Variants in TLE2 observed in about 807,000 individuals in gnomAD.
TLE2 encodes transducin-like enhancer protein 2.
A neutral mutation model predicts 97.2 loss-of-function variants in TLE2; 74 were observed. The observed-to-expected ratio is 0.76, with a 90% CI of 0.63 to 0.92. The LOEUF is 0.92. Among genes scored for constraint, TLE2 ranks in the 40% least tolerant of loss-of-function variants. The pLI, the probability that TLE2 is intolerant of heterozygous loss-of-function variation, is 0.00. For missense variants in TLE2, 1,038 were observed against 1,008.7 expected, an observed-to-expected ratio of 1.03 and a Z score of -0.39; for synonymous variants, 499 against 432.1, an observed-to-expected ratio of 1.15 and a Z score of -1.92.
chr19:3,028,780 G>A lies in TLE2; in HGVS notation c.48C>T (p.Pro16=). Residue 16 remains proline, a synonymous_variant, in exon 2 of 20, where the codon CCC becomes CCT. Transcript: ENST00000262953. Reference sequence around the variant, plus strand: ...AGATCTCCAAGATCGAGAACTTGAAGGGCTGGCCGGACTGGAGCGGGGTCT... The same window carrying A: ...AGATCTCCAAGATCGAGAACTTGAAAGGCTGGCCGGACTGGAGCGGGGTCT... ...RHPTPLQSGQ[P]FKFSILEICD... is the part of the protein sequence containing the mutation. The A allele has an allele frequency of 6.2e-7, 1 of 1,612,882 alleles. No individual in the cohort carries two copies. Among genetic ancestry groups the A allele is most frequent in the South Asian group, 1.1e-5 (1 of 91,086 alleles).
chr19:3,009,045 C>T, intron 13 of TLE2, 100 bp from the exon 14 acceptor site: 2 of 914,846 alleles, frequency 2.2e-6, no homozygotes, highest in Non-Finnish European at 3.2e-6. Flanking sequence ...TTTATCACCC[C>T]TCCCCAAGGC....
upstream of TLE2, chr19:3,029,587 C>A (rs1450213467): frequency 7.1e-6 from 4 of 563,788 alleles, no homozygotes; most frequent in Admixed American, 2.8e-4. Flanking sequence ...GGAGCGGGGA[C>A]CAGTCTGGAG....
In TLE2 at chr19:3,027,880, A is replaced by G. The variant is rs566441301; in HGVS notation, c.187-7T>C. The stretch of plus-strand genomic sequence containing the variant: ...CGTACGACATCTCATAATACTGCAA[A>G]GGAAAAACCAAGTAAGAACGTCTAG... On this transcript the variant is annotated splice_polypyrimidine_tract_variant and splice_region_variant and intron_variant, in intron 3 of 19. Coordinates refer to ENST00000262953, the MANE Select transcript of TLE2 (RefSeq NM_003260.5). 309 of 1,609,230 alleles carry G rather than the reference A, an allele frequency of 1.9e-4. 4 individuals carry two copies. In the South Asian group the frequency reaches 3.4e-3, roughly 18 times the overall value.
upstream of TLE2, among the ~76,000 whole-genome samples, chr19:3,031,450 C>T (rs551711972): frequency 3.9e-5 from 6 of 151,920 alleles, no homozygotes; most frequent in East Asian, 1.9e-4. Flanking sequence ...TCCCACAAGG[C>T]TCTTCACAAA....
At chr19:3,020,811 C>T (rs530209566) in intron 5 of TLE2, among the ~76,000 whole-genome samples, 42 of 152,124 alleles carry the variant, frequency 2.8e-4, no homozygotes, top group African/African-American at 9.2e-4. Context: ...CTGAGCCGGG[C>T]GCGGCGGCTC....
intron 19 of TLE2, among the ~76,000 whole-genome samples, chr19:2,999,153 G>A (rs538535278): frequency 6.6e-6 from 1 of 152,136 alleles, no homozygotes; most frequent in East Asian, 1.9e-4. Context: ...ATGGTGGCGG[G>A]CACATGTAAT....
Position 2,997,710 on chromosome 19 carries a change from G to A in TLE2, c.*138C>T, listed in dbSNP as rs371167667. On this transcript the variant is annotated 3_prime_UTR_variant, in exon 20 of 20. Coordinates refer to ENST00000262953, the MANE Select transcript of TLE2 (RefSeq NM_003260.5). ...TCGGCCCCCACATGCAGCAGGGGAA[G>A]GTGTGAAGCCGTTGGCCAGAGAGCA... 21 of 630,088 alleles carry A rather than the reference G, an allele frequency of 3.3e-5. No homozygotes were observed. The highest frequency in any genetic ancestry group is 2.9e-4 in the African/African-American group (16 of 55,264). 39.0% of individuals were successfully genotyped at this position (630,088 alleles called of 1,614,324 possible).
chr19:3,006,581 G>A lies in TLE2; in HGVS notation c.1339C>T (p.His447Tyr). 1 of 1,605,470 alleles carries A rather than the reference G, an allele frequency of 6.2e-7. No homozygotes were observed. Among genetic ancestry groups the A allele is most frequent in the Non-Finnish European group, 8.5e-7 (1 of 1,176,996 alleles). The part of the protein sequence containing the change: ...DALVGAGIPR[H>Y]ARQLHTLAHG... ...GCCAGCGTGTGCAGCTGCCGGGCGT[G>A]CCGCGGGATGCCCGCGCCTACCAGT... The change falls in exon 15 of 20, where the codon CAC (histidine) becomes TAC (tyrosine). Residue 447 changes from histidine to tyrosine, a missense_variant. Physicochemically the swap from His to Tyr is moderately conservative, Grantham distance 83. Coordinates refer to ENST00000262953, the MANE Select transcript of TLE2 (RefSeq NM_003260.5).
chr19:3,020,644 T>C (rs118107613), intron 5 of TLE2: 2,464 of 152,296 alleles, frequency 0.016, 40 homozygotes, highest in Non-Finnish European at 0.023. Context: ...TGCGTGGATT[T>C]GTCCGTTTTC....
chr19:3,024,792 A>C (rs922307898), intron 5 of TLE2, among the ~76,000 whole-genome samples: 2 of 152,224 alleles, frequency 1.3e-5, no homozygotes, highest in Non-Finnish European at 2.9e-5. Flanking sequence ...GGGGGAAAAC[A>C]GCCCCCAGTC....
intron 15 of TLE2, 165 bp downstream of exon 15, chr19:3,006,255 G>T: frequency 8.2e-7 from 1 of 1,223,476 alleles, no homozygotes; most frequent in Non-Finnish European, 1.2e-6. Flanking sequence ...CACCCCTTTG[G>T]CCTGCAAGCC....
chr19:3,021,600 T>A (rs2089845223), intron 5 of TLE2, among the ~76,000 whole-genome samples: 1 of 152,156 alleles, frequency 6.6e-6, no homozygotes. Context: ...TTTACTTTTT[T>A]GAGACGTAGT....
At position 3,011,040 on chromosome 19, in the gene TLE2, G is replaced by T. The variant is rs1335419977; in HGVS notation, c.994C>A (p.Pro332Thr). 3.7e-6 allele frequency: 6 copies of T among 1,606,940 alleles called. No individual in the cohort carries two copies. The highest frequency in any genetic ancestry group is 1.7e-6 in the Non-Finnish European group (2 of 1,177,766). The change falls in exon 12 of 20, where the codon CCT (proline) becomes ACT (threonine). Residue 332 changes from proline to threonine, a missense_variant. Transcript: ENST00000262953. ...HLCQLAAKPA[P>T]STDSVALRSP... ...TGCTCACCGACGCTGTCCGTGGAAG[G>T]TGCTGGCTTGGCAGCAAGCTGGCAG...
chr19:3,025,481 G>T (rs72988950), intron 4 of TLE2: 68,261 of 1,016,074 alleles, frequency 0.067, 2,505 homozygotes, highest in Non-Finnish European at 0.071. Context: ...CCAGATTCCA[G>T]CCCCGGCTTG....
chr19:3,044,910 G>T (rs972990370), intron 1 of TLE2, among the ~76,000 whole-genome samples: 1 of 152,222 alleles, frequency 6.6e-6, no homozygotes, highest in Non-Finnish European at 1.5e-5. Context: ...AGCAAAAAAT[G>T]CTGTGAAGAT....
chr19:3,005,452 A>T lies in TLE2; in HGVS notation c.1881T>A (p.His627Gln). ...CGAACAGCACCTGGGAGCTGAAGTC[A>T]TGCTGCTGCAGCTGGCGGCCCTCCC... ...DLREGRQLQQ[H>Q]DFSSQIFSLG... The change falls in exon 17 of 20, where the codon CAT becomes CAA. Residue 627 changes from histidine to glutamine, a missense_variant. Coordinates refer to ENST00000262953, the MANE Select transcript of TLE2 (RefSeq NM_003260.5). The T allele has an allele frequency of 6.2e-7, 1 of 1,613,848 alleles. No homozygotes were observed. The highest frequency in any genetic ancestry group is 8.5e-7 in the Non-Finnish European group (1 of 1,179,842).
chr19:3,003,046 C>T (rs867024064), intron 17 of TLE2, among the ~76,000 whole-genome samples: 3 of 152,048 alleles, frequency 2.0e-5, no homozygotes, highest in Admixed American at 6.6e-5. Flanking sequence ...TCAGGGGTTG[C>T]GGGGGTGGAG....
chr19:3,039,097 C>T (rs2090081779), intron 1 of TLE2, among the ~76,000 whole-genome samples: 1 of 150,528 alleles, frequency 6.6e-6, no homozygotes, highest in African/African-American at 2.5e-5. Context: ...GTGGCGGGCA[C>T]CTGTAGCTGC....
At chr19:3,020,734 G>A (rs555929862) in intron 5 of TLE2, 1 of 152,284 alleles carries the variant, frequency 6.6e-6, no homozygotes, top group South Asian at 2.1e-4. Flanking sequence ...CTTCCATGAT[G>A]TGGTGGGTGG....
Sources: allele counts gnomAD v4.1 joint callset (sites outside exome capture counted in the v4.1 genomes callset), GRCh38; gene constraint gnomAD v4.1.1; transcripts MANE v1.5; gene names NCBI Gene and HGNC (gene_info 2026-07-23, HGNC 2026-07-21).